Variants in CARS2 observed in about 807,000 individuals in gnomAD.
The protein encoded by CARS2 is probable cysteine--tRNA ligase, mitochondrial.
In CARS2, 52 loss-of-function variants were observed where a neutral mutation model predicts 68.8. That is an observed-to-expected ratio of 0.76 (90% CI 0.61 to 0.95). CARS2 has a LOEUF of 0.95. CARS2 is among the 40% of genes least tolerant of loss of function. The pLI is 0.00. For synonymous variants in CARS2, 314 were observed against 303.6 expected, an observed-to-expected ratio of 1.03 and a Z score of -0.36; for missense variants, 780 against 754.2, an observed-to-expected ratio of 1.03 and a Z score of -0.40.
At chr13:110,707,925 G>C (rs2063995618), upstream of CARS2, among the ~76,000 whole-genome samples, 1 of 152,090 alleles carries the variant, frequency 6.6e-6, no homozygotes, top group South Asian at 2.1e-4. Context: ...ATTTAATAAG[G>C]TTAAAATGTT....
intron 13 of CARS2, 193 bp downstream of exon 13, chr13:110,644,192 T>C: frequency 6.8e-7 from 1 of 1,470,288 alleles, no homozygotes; most frequent in Non-Finnish European, 9.1e-7. Context: ...ACTGCAGAAG[T>C]AGAATTGTGC....
intron 9 of CARS2, among the ~76,000 whole-genome samples, chr13:110,651,567 A>T (rs1402288387): frequency 6.6e-6 from 1 of 152,164 alleles, no homozygotes; most frequent in East Asian, 1.9e-4. Context: ...CAGCCCAGCC[A>T]AGGGGCGACA....
intron 8 of CARS2, chr13:110,664,483 C>T: frequency 1.7e-6 from 1 of 573,730 alleles, no homozygotes; most frequent in Non-Finnish European, 2.2e-6. Flanking sequence ...TGTCACTGCA[C>T]TCCAGCCTGG....
rs2062867222 is a variant in CARS2 at position 110,673,714 on chromosome 13, G to A, written c.785+3260C>T. On this transcript the variant is annotated intron_variant, in intron 7 of 14. Transcript: ENST00000257347. The stretch of plus-strand genomic sequence containing the variant: ...ACATAGTGTTGGAAGTTCTGGCCAG[G>A]GCAATCAGGCAGGAGAAAGAAATAA... 2.0e-5 allele frequency among the ~76,000 whole-genome samples: 3 copies of A among 151,930 alleles called. No individual in the cohort carries two copies. The South Asian group carries it at 6.2e-4, about 32-fold the overall frequency.
intron 3 of CARS2, among the ~76,000 whole-genome samples, chr13:110,700,989 C>T (rs1251324566): frequency 1.3e-5 from 2 of 152,230 alleles, no homozygotes; most frequent in East Asian, 1.9e-4. Context: ...TGTTTCATGT[C>T]TCAGATTACA....
At chr13:110,654,928 AAAAAAAAGAAAAAGAAAAAAAAAG>A (rs2062323618) in intron 9 of CARS2, among the ~76,000 whole-genome samples, 1 of 140,504 alleles carries the variant, frequency 7.1e-6, no homozygotes, top group African/African-American at 2.9e-5. Context: ...TCTCAAAAAA[AAAAAAAAGAAAAAGAAAAAAAAAG>A]AAAAAGAAAA....
intron 7 of CARS2, 127 bp from the exon 8 acceptor site, chr13:110,667,600 T>C (rs2062685018): frequency 1.3e-6 from 1 of 767,914 alleles, no homozygotes. Flanking sequence ...TTGCATCAAT[T>C]TGCATGATAA....
chr13:110,701,675 G>A (rs1217731189), intron 2 of CARS2, 120 bp from the exon 3 acceptor site: 4 of 627,750 alleles, frequency 6.4e-6, no homozygotes, highest in Non-Finnish European at 1.2e-5. Context: ...ACAATGGACA[G>A]GTCAGCGGAG....
At chr13:110,673,263 G>A (rs869033070) in intron 7 of CARS2, among the ~76,000 whole-genome samples, 1 of 151,844 alleles carries the variant, frequency 6.6e-6, no homozygotes, top group African/African-American at 2.4e-5. Flanking sequence ...CAACAAAAAA[G>A]GAGAATTTTA....
intron 9 of CARS2, among the ~76,000 whole-genome samples, chr13:110,652,391 C>A (rs1190080021): frequency 6.6e-5 from 10 of 152,250 alleles, no homozygotes; most frequent in African/African-American, 2.4e-4. Context: ...GCATAAAAGA[C>A]CAGTCTAAGG....
intron 12 of CARS2, 128 bp downstream of exon 12, chr13:110,645,839 C>T (rs1341649096): frequency 8.1e-7 from 1 of 1,229,194 alleles, no homozygotes; most frequent in Non-Finnish European, 1.1e-6. Flanking sequence ...TCCATGAGTT[C>T]CTCCACAGAA....
Position 110,641,620 on chromosome 13 carries a change from G to C in CARS2, c.1624-12C>G, listed in dbSNP as rs115116722. 1.2e-3 allele frequency: 1,923 copies of C among 1,610,536 alleles called. 25 individuals are homozygous for C. The African/African-American group carries it at 0.023, about 19-fold the overall frequency. The stretch of plus-strand genomic sequence containing the variant: ...GTACTGCTTCTGTCCTGGAGAAGAA[G>C]AGTGAGGTCCAACTCTGAGCAGACA... On this transcript the variant is annotated splice_polypyrimidine_tract_variant and intron_variant, in intron 14 of 14. Transcript: ENST00000257347.
chr13:110,687,913 C>T, intron 4 of CARS2, 34 bp downstream of exon 4: 1 of 1,584,866 alleles, frequency 6.3e-7, no homozygotes, highest in Non-Finnish European at 8.7e-7. Flanking sequence ...CGCCTGTCAC[C>T]CTCATGGCAG....
chr13:110,710,526 C>T (rs2064018416), upstream of CARS2, among the ~76,000 whole-genome samples: 2 of 152,056 alleles, frequency 1.3e-5, no homozygotes, highest in African/African-American at 2.4e-5. Context: ...TTCTGTTCTA[C>T]GGAAAAGTTT....
chr13:110,686,538 C>T (rs996592112), intron 5 of CARS2, among the ~76,000 whole-genome samples: 1 of 151,658 alleles, frequency 6.6e-6, no homozygotes, highest in Non-Finnish European at 1.5e-5. Context: ...TCAGCCACCA[C>T]GCCCAGCCCT....
intron 3 of CARS2, among the ~76,000 whole-genome samples, chr13:110,692,327 T>C (rs1348284735): frequency 6.6e-6 from 1 of 151,540 alleles, no homozygotes; most frequent in African/African-American, 2.4e-5. Context: ...GAAAATTAGA[T>C]GGGCGTGGTG....
intron 3 of CARS2, among the ~76,000 whole-genome samples, chr13:110,693,410 A>G (rs2139889199): frequency 6.6e-6 from 1 of 152,032 alleles, no homozygotes; most frequent in Admixed American, 6.5e-5. Flanking sequence ...CCCAGGCTGG[A>G]GTGCAGTGGC....
chr13:110,710,059 T>C (rs1228865972), upstream of CARS2, among the ~76,000 whole-genome samples: 3 of 152,216 alleles, frequency 2.0e-5, no homozygotes, highest in East Asian at 5.8e-4. Flanking sequence ...AGTTTGCATT[T>C]ATTTTTTAAG....
intron 3 of CARS2, among the ~76,000 whole-genome samples, chr13:110,694,939 G>T (rs1372952099): frequency 6.6e-6 from 1 of 152,190 alleles, no homozygotes; most frequent in Non-Finnish European, 1.5e-5. Context: ...TCGGCTCTCT[G>T]TATCCTAGGG....
Sources: gnomAD v4.1 joint callset for allele counts (sites outside exome capture counted in the v4.1 genomes callset) on GRCh38, gnomAD v4.1.1 for gene constraint, MANE v1.5 for transcripts, NCBI Gene and HGNC (gene_info 2026-07-23, HGNC 2026-07-21) for gene names.